Variants in ZNF814 observed in about 807,000 individuals in gnomAD.
ZNF814 encodes zinc finger protein 814.
ZNF814 carries 5 observed loss-of-function variants against 7.5 expected under a neutral mutation model. That is an observed-to-expected ratio of 0.67 (90% CI 0.35 to 1.40). The LOEUF is 1.40. ZNF814 is among the 40% of genes most tolerant of loss of function. The probability of loss-of-function intolerance (pLI) is 0.04; values close to 1 mark genes in which losing one functional copy is unlikely to be tolerated. For synonymous variants in ZNF814, 315 were observed against 340.7 expected (o/e 0.92, Z 0.83); for missense variants, 962 against 1,018.0 (o/e 0.94, Z 0.75).
At chr19:57,886,606 C>T (rs2071695781) in intron 1 of ZNF814, among the ~76,000 whole-genome samples, 1 of 151,908 alleles carries the variant, frequency 6.6e-6, no homozygotes, top group African/African-American at 2.4e-5. Flanking sequence ...CGGCCAGGCA[C>T]GGTGGTTCAC....
At position 57,871,531 on chromosome 19, in the gene ZNF814, G is replaced by C. The variant is rs896717805; in HGVS notation, c.*1291C>G. On this transcript the variant is annotated 3_prime_UTR_variant, in exon 3 of 3. Transcript: ENST00000435989. ...ACAACCCTCAAGATTGAAGAAGGCTGAAACAATAAGGCCTTCATAATAGCA... is the reference window on the plus strand; with the variant it reads ...ACAACCCTCAAGATTGAAGAAGGCTCAAACAATAAGGCCTTCATAATAGCA... 6.6e-6 allele frequency: 1 copy of C among 152,172 alleles called. No individual in the cohort carries two copies. The highest frequency in any genetic ancestry group is 6.5e-5 in the Admixed American group (1 of 15,268). The allele number at this position is 152,172 out of a possible 1,614,324, so 9.4% of individuals were successfully genotyped here.
chr19:57,873,595 T>G lies in ZNF814; in HGVS notation c.1795A>C (p.Thr599Pro). The part of the protein sequence containing the change: ...GHLRSHQRVH[T>P]GERPYECGEC... ...CCACACTCATAAGGCCTCTCTCCAG[T>G]ATGAACGCGCTGATGGCTCCTAAGG... The change falls in exon 3 of 3, where the codon ACT becomes CCT. Residue 599 changes from threonine (T) to proline (P), a missense_variant. Transcript: ENST00000435989. 1 of 1,613,474 alleles carries G rather than the reference T, an allele frequency of 6.2e-7. No homozygotes were observed. Among genetic ancestry groups the G allele is most frequent in the Non-Finnish European group, 8.5e-7 (1 of 1,179,850 alleles).
At chr19:57,900,839 A>ATTTTTTTTTTTTT in the ZNF814 span, among the ~76,000 whole-genome samples, 545 of 45,764 alleles carry the variant, frequency 0.012, 142 homozygotes, top group East Asian at 0.05. Context: ...CCATGGCTGC[A>ATTTTTTTTTTTTT]TTTTTTTTTT....
intron 1 of ZNF814, among the ~76,000 whole-genome samples, chr19:57,879,461 C>A (rs1250381473): frequency 6.7e-6 from 1 of 148,968 alleles, no homozygotes; most frequent in Admixed American, 6.8e-5. Context: ...GTTATGAATG[C>A]CAATAATGTC....
chr19:57,876,465 T>A (rs1421508167), intron 2 of ZNF814: 1 of 186,970 alleles, frequency 5.3e-6, no homozygotes, highest in East Asian at 1.4e-4. Flanking sequence ...TGACAGCCCA[T>A]GAGAGAAAAA....
chr19:57,884,786 G>A (rs1392643934), intron 1 of ZNF814, among the ~76,000 whole-genome samples: 1 of 150,868 alleles, frequency 6.6e-6, no homozygotes, highest in Non-Finnish European at 1.5e-5. Flanking sequence ...GAAGAAAAAG[G>A]ACCTCTCGTA....
In ZNF814 at chr19:57,888,773, G is replaced by T; in HGVS notation, c.30C>A (p.Ser10=). ...CAGAAGGCCCCACAATTACCTGAGCGGAGAGCCTCAGCGTAGCCGCGGCAG... is the reference window on the plus strand; with the variant it reads ...CAGAAGGCCCCACAATTACCTGAGCTGAGAGCCTCAGCGTAGCCGCGGCAG... MAAAATLRL[S]AQGTVTFEDV... is the part of the protein sequence containing the mutation. The change falls in exon 1 of 3, where the codon TCC becomes TCA. Residue 10 remains serine (S), a synonymous_variant. Coordinates refer to ENST00000435989, the MANE Select transcript of ZNF814 (RefSeq NM_001144989.2). 6.4e-7 allele frequency: 1 copy of T among 1,553,078 alleles called. No individual in the cohort carries two copies. Among genetic ancestry groups the T allele is most frequent in the Non-Finnish European group, 8.7e-7 (1 of 1,147,800 alleles).
the ZNF814 span, among the ~76,000 whole-genome samples, chr19:57,904,364 G>A: frequency 4.6e-5 from 7 of 152,074 alleles, no homozygotes; most frequent in Non-Finnish European, 7.4e-5. Flanking sequence ...ACTGGCGTTG[G>A]CCCCTGAGAC....
rs753639950 is a variant in ZNF814, at chr19:57,873,177, T to C, written c.2213A>G (p.His738Arg). 1.9e-6 allele frequency: 3 copies of C among 1,613,650 alleles called. No individual in the cohort carries two copies. The Admixed American group carries it at 5.0e-5, about 27-fold the overall frequency. The change falls in exon 3 of 3, where the codon CAC (histidine) becomes CGC (arginine). Residue 738 changes from histidine to arginine, a missense_variant. Transcript: ENST00000435989. Reference sequence around the variant, plus strand: ...GCATTCATAAGGCCTTTCTCCAGTGTGAACTCTCTGATGTGCAATGAGTTG... The same window carrying C: ...GCATTCATAAGGCCTTTCTCCAGTGCGAACTCTCTGATGTGCAATGAGTTG... ...KYQLIAHQRV[H>R]TGERPYECND...
chr19:57,887,041 T>C (rs1482776246), intron 1 of ZNF814, among the ~76,000 whole-genome samples: 2 of 150,084 alleles, frequency 1.3e-5, no homozygotes, highest in Admixed American at 6.7e-5. Context: ...TACAAAAAAT[T>C]AGCCGGGTGT....
Position 57,870,523 on chromosome 19 carries a change from G to A in ZNF814, c.*2299C>T, listed in dbSNP as rs1332826239. ...CCTGTTAATGCAGGAATGACCTTGA[G>A]GAGAACAGCCCAGAATGAGTACAGG... On this transcript the variant is annotated 3_prime_UTR_variant, in exon 3 of 3. Transcript: ENST00000435989. 1 of 152,136 alleles carries A rather than the reference G, an allele frequency of 6.6e-6. No homozygotes were observed. The highest frequency in any genetic ancestry group is 6.6e-5 in the Admixed American group (1 of 15,264). 9.4% of individuals were successfully genotyped at this position (152,136 alleles called of 1,614,324 possible).
chr19:57,887,906 G>A (rs545134639), intron 1 of ZNF814, among the ~76,000 whole-genome samples: 5 of 152,242 alleles, frequency 3.3e-5, no homozygotes, highest in African/African-American at 9.6e-5. Flanking sequence ...GTAACCATTT[G>A]TCTTTTAAAT....
chr19:57,898,914 T>C, the ZNF814 span, among the ~76,000 whole-genome samples: 2 of 137,058 alleles, frequency 1.5e-5, no homozygotes, highest in Non-Finnish European at 3.0e-5. Context: ...CACTCCAGCC[T>C]GGGTGACAGG....
chr19:57,880,548 C>A (rs545132960), intron 1 of ZNF814, among the ~76,000 whole-genome samples: 6 of 149,856 alleles, frequency 4.0e-5, no homozygotes, highest in Middle Eastern at 3.5e-3. Flanking sequence ...AGAGGTGCAA[C>A]AGAGCAGGAT....
At chr19:57,904,841 GAGC>G in the ZNF814 span, among the ~76,000 whole-genome samples, 1 of 149,134 alleles carries the variant, frequency 6.7e-6, no homozygotes. Flanking sequence ...ACCTGAGGTC[GAGC>G]GTTCCTGACT....
intron 1 of ZNF814, among the ~76,000 whole-genome samples, chr19:57,878,508 C>G (rs558131457): frequency 6.1e-4 from 90 of 148,320 alleles, no homozygotes; most frequent in African/African-American, 2.2e-3. Flanking sequence ...TCACCAGGCT[C>G]GAGTGGGGTG....
the ZNF814 span, among the ~76,000 whole-genome samples, chr19:57,902,632 C>A: frequency 6.6e-6 from 1 of 151,734 alleles, no homozygotes; most frequent in Non-Finnish European, 1.5e-5. Context: ...GTCCGACCAC[C>A]TTTTACGTTA....
Position 57,871,725 on chromosome 19 carries a change from T to A in ZNF814, c.*1097A>T. The A allele has an allele frequency of 6.6e-6, 1 of 150,902 alleles. No homozygotes were observed. The highest frequency in any genetic ancestry group is 1.9e-4 in the East Asian group (1 of 5,134). The allele number at this position is 150,902 out of a possible 1,614,324, so 9.3% of individuals were successfully genotyped here. ...AAATGGGTAACGTCCATGGCATGACTTATCAGACAGAAAAAAATGACAAAG... is the reference window on the plus strand; with the variant it reads ...AAATGGGTAACGTCCATGGCATGACATATCAGACAGAAAAAAATGACAAAG... On this transcript the variant is annotated 3_prime_UTR_variant, in exon 3 of 3. Coordinates refer to ENST00000435989, the MANE Select transcript of ZNF814 (RefSeq NM_001144989.2).
chr19:57,874,985 A>G lies in ZNF814; in HGVS notation c.405T>C (p.Phe135=). ...CAATGTGCTCATTCTGGTGCTGATG[A>G]AAGTTTCCACTGTCATACAATTTAT... The part of the protein sequence containing the change: ...WGNKLYDSGN[F]HQHQNEHIGE... Residue 135 remains phenylalanine (F), a synonymous_variant, in exon 3 of 3, where the codon TTT becomes TTC. Transcript: ENST00000435989. 1 of 1,612,448 alleles carries G rather than the reference A, an allele frequency of 6.2e-7. No individual in the cohort carries two copies. Among genetic ancestry groups the G allele is most frequent in the Non-Finnish European group, 8.5e-7 (1 of 1,178,916 alleles).
Sources: gnomAD v4.1 joint callset for allele counts (sites outside exome capture counted in the v4.1 genomes callset) on GRCh38, gnomAD v4.1.1 for gene constraint, MANE v1.5 for transcripts, NCBI Gene and HGNC (gene_info 2026-07-23, HGNC 2026-07-21) for gene names.